Variants in ABCA10 observed in about 807,000 individuals in gnomAD.
ABCA10 encodes the protein ATP binding cassette subfamily A member 10.
In ABCA10, 169 loss-of-function variants were observed where a neutral mutation model predicts 187.5. The observed-to-expected ratio is 0.90, with a 90% confidence interval of 0.80 to 1.02. The LOEUF is 1.02. Ranked by LOEUF, ABCA10 falls within the 50% of genes least tolerant of loss-of-function variation. The probability of loss-of-function intolerance (pLI) is 0.00; values close to 1 mark genes in which losing one functional copy is unlikely to be tolerated. For missense variants in ABCA10, 1,727 were observed against 1,812.4 expected (o/e 0.95, Z 0.86); for synonymous variants, 574 against 601.8 (o/e 0.95, Z 0.68).
At chr17:69,224,687 G>GT in intron 3 of ABCA10, among the ~76,000 whole-genome samples, 1 of 110,430 alleles carries the variant, frequency 9.1e-6, no homozygotes, top group South Asian at 3.2e-4. Context: ...AAGTCTTATG[G>GT]GAAAAAAAAA....
At chr17:69,175,146 A>G (rs1315793955) in intron 23 of ABCA10, among the ~76,000 whole-genome samples, 2 of 152,168 alleles carry the variant, frequency 1.3e-5, no homozygotes, top group Non-Finnish European at 2.9e-5. Flanking sequence ...TGCATGGATC[A>G]AACAGTACCA....
At chr17:69,191,104 GAAC>G in intron 17 of ABCA10, 69 bp downstream of exon 17, 3 of 1,299,696 alleles carry the variant, frequency 2.3e-6, no homozygotes, top group South Asian at 2.4e-5. Flanking sequence ...TCGATTCATA[GAAC>G]AACAGAAAAT....
chr17:69,178,835 C>T (rs1451711311), intron 22 of ABCA10: 1 of 152,112 alleles, frequency 6.6e-6, no homozygotes, highest in Non-Finnish European at 1.5e-5. Context: ...TAGAAAAAGA[C>T]TGAAATTCTT....
chr17:69,193,540 G>A lies in ABCA10; in HGVS notation c.1594C>T (p.Gln532Ter), dbSNP rs773618883. 1.2e-6 allele frequency: 2 copies of A among 1,613,452 alleles called. No individual in the cohort carries two copies. Among genetic ancestry groups the A allele is most frequent in the African/African-American group, 1.3e-5 (1 of 74,972 alleles). ...ATCCCTAGTGTTAGTTTTCTCTTCT[G>A]CCCACCACTTAATTTTTTAGCAATA... The part of the protein sequence containing the change: ...DIIAKKLSGG[Q>*]KRKLTLGIAI... Residue 532 changes from glutamine (Q) to a stop codon, truncating the protein, a stop_gained, in exon 14 of 39, where the codon CAG (glutamine) becomes TAG (stop). Coordinates refer to ENST00000690296, the MANE Select transcript of ABCA10 (RefSeq NM_001377321.1). LOFTEE classifies it high-confidence loss of function.
upstream of ABCA10, chr17:69,233,263 T>G (rs1380376379): frequency 6.6e-6 from 1 of 152,172 alleles, no homozygotes; most frequent in Non-Finnish European, 1.5e-5. Context: ...TTCATTCTTT[T>G]TTTTACCTCC....
intron 22 of ABCA10, among the ~76,000 whole-genome samples, chr17:69,177,288 T>C (rs941816192): frequency 1.3e-5 from 2 of 152,214 alleles, no homozygotes; most frequent in Admixed American, 1.3e-4. Context: ...ACCTCTTTTT[T>C]ATACTTCTTT....
intron 3 of ABCA10, among the ~76,000 whole-genome samples, chr17:69,223,304 T>C (rs998803854): frequency 6.6e-6 from 1 of 152,076 alleles, no homozygotes; most frequent in African/African-American, 2.4e-5. Flanking sequence ...ACACTAGAGG[T>C]AAATTGTATA....
chr17:69,223,938 C>T (rs1047574833), intron 3 of ABCA10, among the ~76,000 whole-genome samples: 6 of 152,034 alleles, frequency 3.9e-5, no homozygotes, highest in Non-Finnish European at 7.4e-5. Context: ...GAAGAATAGT[C>T]CCTGAGGCTT....
intron 34 of ABCA10, 148 bp from the exon 35 acceptor site, chr17:69,152,629 A>T (rs535562307): frequency 6.7e-6 from 8 of 1,187,390 alleles, no homozygotes; most frequent in African/African-American, 6.3e-5. Flanking sequence ...CCACAAAAAA[A>T]TTTAAAAATT....
chr17:69,154,072 A>G, intron 31 of ABCA10, 63 bp from the exon 32 acceptor site: 1 of 1,549,134 alleles, frequency 6.5e-7, no homozygotes, highest in South Asian at 1.3e-5. Flanking sequence ...CTTCTACTAA[A>G]GGAGATAAAA....
chr17:69,193,989 C>A lies in ABCA10; in HGVS notation c.1346G>T (p.Gly449Val). 1.3e-6 allele frequency: 2 copies of A among 1,583,404 alleles called. No individual in the cohort carries two copies. Among genetic ancestry groups the A allele is most frequent in the Admixed American group, 1.8e-5 (1 of 55,530 alleles). The part of the protein sequence containing the change: ...ILSGLSVSTE[G>V]SATIYNTQLS... The stretch of plus-strand genomic sequence containing the variant: ...TTGAGTATTATAAATAGTGGCTGAT[C>A]CTATAAATAGAAATTTAAAAGGCTT... The change falls in exon 13 of 39, where the codon GGA becomes GTA. Residue 449 changes from glycine to valine, a missense_variant and splice_region_variant. Transcript: ENST00000690296.
At chr17:69,220,634 T>C (rs1394038215) in intron 5 of ABCA10, among the ~76,000 whole-genome samples, 1 of 152,158 alleles carries the variant, frequency 6.6e-6, no homozygotes, top group African/African-American at 2.4e-5. Flanking sequence ...AACATCCATG[T>C]TCATTTTTGC....
chr17:69,162,533 C>T (rs1157498886), intron 27 of ABCA10, among the ~76,000 whole-genome samples: 1 of 152,174 alleles, frequency 6.6e-6, no homozygotes, highest in Non-Finnish European at 1.5e-5. Flanking sequence ...TTTCTCTCAT[C>T]AAACAAGGGC....
intron 10 of ABCA10, among the ~76,000 whole-genome samples, chr17:69,200,099 C>A (rs1378556010): frequency 2.0e-5 from 3 of 152,174 alleles, no homozygotes; most frequent in African/African-American, 7.2e-5. Context: ...GATAATTTCA[C>A]CAATCACCTT....
chr17:69,211,314 GA>G (rs1568070217), intron 9 of ABCA10, among the ~76,000 whole-genome samples: 9 of 30,360 alleles, frequency 3.0e-4, no homozygotes, highest in African/African-American at 1.2e-3. Context: ...TCATATATAT[GA>G]TATATATATA....
intron 14 of ABCA10, 71 bp from the exon 15 acceptor site, chr17:69,193,319 C>A: frequency 6.4e-7 from 1 of 1,571,060 alleles, no homozygotes; most frequent in South Asian, 1.2e-5. Flanking sequence ...ACCATGAAAA[C>A]AAGTATGATT....
chr17:69,218,957 C>T (rs1395340235), intron 6 of ABCA10, among the ~76,000 whole-genome samples: 1 of 152,198 alleles, frequency 6.6e-6, no homozygotes, highest in African/African-American at 2.4e-5. Flanking sequence ...CTTTGACTAG[C>T]TTTGACCTCA....
intron 22 of ABCA10, among the ~76,000 whole-genome samples, chr17:69,179,484 G>T (rs1280356508): frequency 1.3e-5 from 2 of 152,176 alleles, no homozygotes; most frequent in Non-Finnish European, 2.9e-5. Flanking sequence ...AAAGATAAAT[G>T]TGTGTCATAC....
intron 26 of ABCA10, 148 bp downstream of exon 26, chr17:69,164,816 T>A: frequency 9.2e-7 from 1 of 1,089,602 alleles, no homozygotes; most frequent in Non-Finnish European, 1.3e-6. Flanking sequence ...GCTTTCAATT[T>A]TATACAGCTT....
Sources: allele counts gnomAD v4.1 joint callset (sites outside exome capture counted in the v4.1 genomes callset), GRCh38; gene constraint gnomAD v4.1.1; transcripts MANE v1.5; gene names NCBI Gene and HGNC (gene_info 2026-07-23, HGNC 2026-07-21).